HIVEP3: variants seen among roughly 807,000 people sequenced by gnomAD.
HIVEP3 encodes the protein transcription factor HIVEP3.
HIVEP3 carries 49 observed loss-of-function variants against 152.8 expected under a neutral mutation model. That is an observed-to-expected ratio of 0.32 (90% CI 0.26 to 0.41). The LOEUF is 0.41. HIVEP3 is among the 10% of genes least tolerant of loss of function. The pLI is 1.00. For missense variants in HIVEP3, 2,790 were observed against 3,103.3 expected (o/e 0.90, Z 2.40); for synonymous variants, 1,269 against 1,289.0 (o/e 0.98, Z 0.33).
intron 1 of HIVEP3, among the ~76,000 whole-genome samples, chr1:41,821,960 C>T (rs1642617184): frequency 6.6e-6 from 1 of 152,136 alleles, no homozygotes; most frequent in South Asian, 2.1e-4. Flanking sequence ...TGTGAAGGTC[C>T]TCCTTCATTT....
At position 41,605,373 on chromosome 1, in the gene HIVEP3, GCGCACA is replaced by G. The variant is rs200708132; in HGVS notation, c.-521-20061_-521-20056del. Among the ~76,000 whole-genome samples, 332 of 106,792 alleles carry G rather than the reference GCGCACA, an allele frequency of 3.1e-3. 4 individuals are homozygous for G. The highest frequency in any genetic ancestry group is 0.01 in the African/African-American group (262 of 25,734). The allele number at this position is 106,792 out of a possible 152,430, so 70.1% of individuals were successfully genotyped here. A position where few individuals can be genotyped will look rare whatever the true frequency, so the allele number is the denominator to read the frequency against. On this transcript the variant is annotated intron_variant, in intron 3 of 8. Transcript: ENST00000372583. ...AGATATTACATACACACACGCACAC[GCGCACA>G]CACACACACACACACACACACACAC...
At chr1:41,770,651 C>T (rs775736588) in intron 1 of HIVEP3, among the ~76,000 whole-genome samples, 5 of 152,120 alleles carry the variant, frequency 3.3e-5, no homozygotes, top group Non-Finnish European at 5.9e-5. Context: ...GAAAACATTA[C>T]GCAAACCCAA....
intron 2 of HIVEP3, among the ~76,000 whole-genome samples, chr1:41,656,330 C>A (rs781582494): frequency 6.6e-6 from 1 of 152,214 alleles, no homozygotes; most frequent in East Asian, 1.9e-4. Flanking sequence ...CTCAGGCCAG[C>A]CTGCAGCTGA....
chr1:41,686,777 C>G (rs922537660), intron 2 of HIVEP3, among the ~76,000 whole-genome samples: 2 of 152,164 alleles, frequency 1.3e-5, no homozygotes, highest in Admixed American at 6.5e-5. Flanking sequence ...TGGTTCTCAT[C>G]TGTGAAAAGG....
At chr1:41,954,916 T>C (rs1645131802) in intron 1 of HIVEP3, among the ~76,000 whole-genome samples, 1 of 151,932 alleles carries the variant, frequency 6.6e-6, no homozygotes, top group Non-Finnish European at 1.5e-5. Flanking sequence ...ACTCGGTAAA[T>C]GATATCCATT....
chr1:41,707,109 T>C (rs1646445428), intron 1 of HIVEP3, among the ~76,000 whole-genome samples: 1 of 152,194 alleles, frequency 6.6e-6, no homozygotes, highest in South Asian at 2.1e-4. Flanking sequence ...CTGTGCTGGG[T>C]ATATTTCATG....
At chr1:41,805,027 G>A (rs898361638) in intron 1 of HIVEP3, among the ~76,000 whole-genome samples, 6 of 152,200 alleles carry the variant, frequency 3.9e-5, no homozygotes, top group Non-Finnish European at 8.8e-5. Context: ...TGGCTTTACA[G>A]TGTACAGACA....
intron 1 of HIVEP3, among the ~76,000 whole-genome samples, chr1:41,963,081 G>A (rs561527383): frequency 2.4e-4 from 37 of 152,014 alleles, no homozygotes; most frequent in African/African-American, 8.9e-4. Flanking sequence ...GCGCGATCTC[G>A]GCTCACTGCA....
intron 1 of HIVEP3, among the ~76,000 whole-genome samples, chr1:41,929,723 T>TC (rs1491455442): frequency 1.5e-5 from 1 of 64,824 alleles, no homozygotes; most frequent in African/African-American, 1.0e-4. Context: ...TGTATATGTG[T>TC]TTTTATATAT....
At chr1:41,789,172 G>A (rs887893140) in intron 1 of HIVEP3, among the ~76,000 whole-genome samples, 30 of 152,216 alleles carry the variant, frequency 2.0e-4, no homozygotes, top group Non-Finnish European at 2.9e-5. Context: ...AGCGGAGGTA[G>A]GTGTAGAATT....
intron 1 of HIVEP3, among the ~76,000 whole-genome samples, chr1:41,973,625 G>A (rs750059241): frequency 6.6e-6 from 1 of 152,230 alleles, no homozygotes; most frequent in Non-Finnish European, 1.5e-5. Flanking sequence ...AATCACAGAA[G>A]TGATATCCCA....
At chr1:41,861,380 A>G (rs919554203) in intron 1 of HIVEP3, among the ~76,000 whole-genome samples, 2 of 152,274 alleles carry the variant, frequency 1.3e-5, no homozygotes, top group Admixed American at 1.3e-4. Context: ...CAAGGAGATG[A>G]GATTCACAAT....
At position 41,809,614 on chromosome 1, in the gene HIVEP3, G is replaced by C. The variant is rs186389890; in HGVS notation, c.-800-108619C>G. Among the ~76,000 whole-genome samples the C allele has an allele frequency of 3.1e-4, 47 of 152,322 alleles. 2 individuals are homozygous for C. The highest frequency in any genetic ancestry group is 8.8e-5 in the Non-Finnish European group (6 of 68,028). On this transcript the variant is annotated intron_variant, in intron 1 of 8. Coordinates refer to ENST00000372583, the MANE Select transcript of HIVEP3 (RefSeq NM_024503.5). Reference sequence around the variant, plus strand: ...ATGAATTTATTTATGCTTTACAAAAGCTAAAGTCAAATCACATTCCCCCAT... The same window carrying C: ...ATGAATTTATTTATGCTTTACAAAACCTAAAGTCAAATCACATTCCCCCAT...
intron 1 of HIVEP3, among the ~76,000 whole-genome samples, chr1:41,732,867 C>T (rs1646862377): frequency 6.6e-6 from 1 of 152,122 alleles, no homozygotes; most frequent in Non-Finnish European, 1.5e-5. Context: ...GGTAGGAGGG[C>T]AGAGGACACC....
At chr1:41,888,860 TCA>T (rs1281651177) in intron 1 of HIVEP3, among the ~76,000 whole-genome samples, 3 of 116,616 alleles carry the variant, frequency 2.6e-5, no homozygotes, top group South Asian at 5.8e-4. Flanking sequence ...ACCACATACC[TCA>T]CACACACACC....
At chr1:41,546,527 A>T (rs1643808095) in intron 5 of HIVEP3, among the ~76,000 whole-genome samples, 1 of 152,154 alleles carries the variant, frequency 6.6e-6, no homozygotes, top group African/African-American at 2.4e-5. Flanking sequence ...GTGTGGAGGG[A>T]CCTGTGCTCA....
intron 4 of HIVEP3, among the ~76,000 whole-genome samples, chr1:41,576,804 G>A (rs1311531362): frequency 6.6e-6 from 1 of 152,168 alleles, no homozygotes; most frequent in Non-Finnish European, 1.5e-5. Context: ...ACCTCTCTGG[G>A]CCTCAGAGTC....
chr1:41,997,748 C>A (rs1339707413), intron 1 of HIVEP3, among the ~76,000 whole-genome samples: 1 of 152,130 alleles, frequency 6.6e-6, no homozygotes, highest in Admixed American at 6.6e-5. Flanking sequence ...TAAAGAATCA[C>A]CAAATGATTA....
chr1:41,532,940 C>G (rs1421215350), intron 5 of HIVEP3, among the ~76,000 whole-genome samples: 1 of 152,164 alleles, frequency 6.6e-6, no homozygotes, highest in African/African-American at 2.4e-5. Context: ...GAACAAATGG[C>G]ACCCCAAACC....
Sources: allele counts gnomAD v4.1 joint callset (sites outside exome capture counted in the v4.1 genomes callset), GRCh38; gene constraint gnomAD v4.1.1; transcripts MANE v1.5; gene names NCBI Gene and HGNC (gene_info 2026-07-23, HGNC 2026-07-21).